The following MAGOHB variants were observed in gnomAD, a reference collection of about 807,000 sequenced individuals.
The protein encoded by MAGOHB is mago homolog B, exon junction complex subunit, also known as protein mago nashi homolog 2.
Under a neutral mutation model 20.9 loss-of-function variants are expected in MAGOHB, and 15 were observed. The ratio of observed to expected loss-of-function variants is 0.72; its 90% CI spans 0.48 to 1.11. The LOEUF is 1.11. Ranked by LOEUF, MAGOHB falls within the 50% of genes least tolerant of loss-of-function variation. The pLI, the probability that MAGOHB is intolerant of heterozygous loss-of-function variation, is 0.00. For synonymous variants in MAGOHB, 50 were observed against 57.9 expected (o/e 0.86, Z 0.62); for missense variants, 162 against 177.6 (o/e 0.91, Z 0.50).
chr12:10,603,011 CCTAA>C (rs1238923752), downstream of MAGOHB, among the ~76,000 whole-genome samples: 8 of 152,124 alleles, frequency 5.3e-5, no homozygotes, highest in East Asian at 1.9e-4. Context: ...TGTTCTAATG[CCTAA>C]CTTTTATCCC....
downstream of MAGOHB, among the ~76,000 whole-genome samples, chr12:10,602,997 T>C (rs1020744675): frequency 1.3e-5 from 2 of 152,308 alleles, no homozygotes; most frequent in African/African-American, 4.8e-5. Context: ...TCTCCTTTTT[T>C]ATTTGTTCTA....
chr12:10,612,797 C>T, intron 1 of MAGOHB: 1 of 1,286,268 alleles, frequency 7.8e-7, no homozygotes, highest in Non-Finnish European at 1.0e-6. Context: ...TTGCACACTA[C>T]TTGGGTAGCA....
chr12:10,609,940 G>A lies in MAGOHB; in HGVS notation c.155C>T (p.Ala52Val), dbSNP rs1194674288. The A allele has an allele frequency of 5.8e-6, 9 of 1,561,258 alleles. No individual in the cohort carries two copies. The African/African-American group carries it at 9.6e-5, about 17-fold the overall frequency. Residue 52 changes from alanine to valine, a missense_variant and splice_region_variant, in exon 3 of 5, where the codon GCT becomes GTT. Physicochemically the swap from Ala to Val is moderately conservative, Grantham distance 64. Transcript: ENST00000320756. ...TTCCATTACACTCTTGTGCACATAAGCCTAAAAATTAATCATAATAAAATG... is the reference window on the plus strand; with the variant it reads ...TTCCATTACACTCTTGTGCACATAAACCTAAAAATTAATCATAATAAAATG... ...YKNDVMIRKE[A>V]YVHKSVMEEL...
At chr12:10,607,528 T>C (rs924334952) in intron 4 of MAGOHB, among the ~76,000 whole-genome samples, 1 of 152,214 alleles carries the variant, frequency 6.6e-6, no homozygotes, top group East Asian at 1.9e-4. Context: ...ATAGGCCTAA[T>C]GAGGCTGACA....
At chr12:10,606,739 CCT>C (rs1565550077) in intron 4 of MAGOHB, among the ~76,000 whole-genome samples, 1 of 151,396 alleles carries the variant, frequency 6.6e-6, no homozygotes, top group African/African-American at 2.4e-5. Flanking sequence ...TTCCTTGTGC[CCT>C]TTTTTACATT....
downstream of MAGOHB, among the ~76,000 whole-genome samples, chr12:10,600,217 TTTTA>T (rs1303762061): frequency 1.2e-4 from 18 of 152,064 alleles, 1 homozygote; most frequent in Non-Finnish European, 2.2e-4. Flanking sequence ...ACACAGTATT[TTTTA>T]TTTATTATTT....
At chr12:10,610,510 C>G (rs1865705933) in intron 2 of MAGOHB, 112 bp downstream of exon 2, 2 of 1,241,888 alleles carry the variant, frequency 1.6e-6, no homozygotes, top group African/African-American at 3.3e-5. Context: ...TTGCCTTCTT[C>G]TTTACAATAT....
chr12:10,609,169 A>G (rs755897467), intron 3 of MAGOHB: 3 of 205,946 alleles, frequency 1.5e-5, no homozygotes, highest in Non-Finnish European at 2.1e-5. Flanking sequence ...AGCATGTGTT[A>G]GATTTCTCCA....
intron 1 of MAGOHB, among the ~76,000 whole-genome samples, chr12:10,612,316 T>A (rs1223840969): frequency 6.6e-6 from 1 of 152,174 alleles, no homozygotes; most frequent in Non-Finnish European, 1.5e-5. Flanking sequence ...AGGGATCACT[T>A]GCACTAGGGA....
chr12:10,611,727 G>A (rs112843668), intron 1 of MAGOHB, among the ~76,000 whole-genome samples: 1,621 of 111,590 alleles, frequency 0.015, 43 homozygotes, highest in African/African-American at 0.055. Flanking sequence ...CAGCCTGGAC[G>A]ACAGAGCAAG....
chr12:10,603,548 C>CAA (rs144204675), downstream of MAGOHB, among the ~76,000 whole-genome samples: 5 of 140,842 alleles, frequency 3.6e-5, no homozygotes, highest in South Asian at 2.2e-4. Context: ...GACATAATGG[C>CAA]AAAAAAAAAA....
chr12:10,603,726 G>A (rs1797133169), downstream of MAGOHB, among the ~76,000 whole-genome samples: 4 of 152,094 alleles, frequency 2.6e-5, no homozygotes, highest in South Asian at 2.1e-4. Context: ...ATCATCATAC[G>A]GAAGTCAGCC....
downstream of MAGOHB, among the ~76,000 whole-genome samples, chr12:10,602,345 GAA>G (rs1312049843): frequency 6.6e-6 from 1 of 152,168 alleles, no homozygotes; most frequent in Non-Finnish European, 1.5e-5. Flanking sequence ...TCATAGTTTT[GAA>G]AAGAGGCAGA....
intron 1 of MAGOHB, 28 bp downstream of exon 1, chr12:10,613,411 G>C (rs762016047): frequency 1.4e-5 from 22 of 1,604,328 alleles, no homozygotes; most frequent in Non-Finnish European, 1.9e-5. Flanking sequence ...CCCTTTCCCA[G>C]CACCGCGTGC....
At chr12:10,600,816 A>T (rs1489059579), downstream of MAGOHB, among the ~76,000 whole-genome samples, 1 of 152,216 alleles carries the variant, frequency 6.6e-6, no homozygotes, top group African/African-American at 2.4e-5. Flanking sequence ...TAAATTGTTC[A>T]AATCAGGTGA....
rs1042294332 is a variant in MAGOHB at position 10,611,747 on chromosome 12, C to CA, written c.95-1068dup. ...TGGACGACAGAGCAAGACTCTGTCT[C>CA]AAAAAAAAAAAAAAAAAAAAAAAAA... is the stretch of plus-strand genomic sequence containing the variant. On this transcript the variant is annotated intron_variant, in intron 1 of 4. Transcript: ENST00000320756. 8.0e-3 allele frequency among the ~76,000 whole-genome samples: 222 copies of CA among 27,644 alleles called. 8 individuals carry two copies. The highest frequency in any genetic ancestry group is 0.019 in the South Asian group (9 of 480). 18.1% of individuals were successfully genotyped at this position (27,644 alleles called of 152,430 possible).
rs901180174 is a variant in MAGOHB at position 10,604,933 on chromosome 12, T to C, written c.*1342A>G. On this transcript the variant is annotated 3_prime_UTR_variant, in exon 5 of 5. Transcript: ENST00000320756. ...CCGCTAGACACGTGGCTACCTAAATTTAATCAAAATTAAATAGCACTACAA... is the reference window on the plus strand; with the variant it reads ...CCGCTAGACACGTGGCTACCTAAATCTAATCAAAATTAAATAGCACTACAA... 6.6e-5 allele frequency: 10 copies of C among 152,048 alleles called. No individual in the cohort carries two copies. In the South Asian group the frequency reaches 8.3e-4, roughly 13 times the overall value. 9.4% of individuals were successfully genotyped at this position (152,048 alleles called of 1,614,324 possible).
At chr12:10,612,982 T>A (rs1224436132) in intron 1 of MAGOHB, 7 of 1,277,272 alleles carry the variant, frequency 5.5e-6, no homozygotes, top group Non-Finnish European at 7.2e-6. Context: ...ATGCGTCCTA[T>A]GGTGAACAAT....
At chr12:10,610,547 A>T in intron 2 of MAGOHB, 75 bp downstream of exon 2, 1 of 1,433,872 alleles carries the variant, frequency 7.0e-7, no homozygotes, top group Non-Finnish European at 9.2e-7. Context: ...TTTTAAATTC[A>T]ACACAGACTT....
Sources: allele counts gnomAD v4.1 joint callset (sites outside exome capture counted in the v4.1 genomes callset), GRCh38; gene constraint gnomAD v4.1.1; transcripts MANE v1.5; gene names NCBI Gene and HGNC (gene_info 2026-07-23, HGNC 2026-07-21).